CAPN13: variants seen among roughly 807,000 people sequenced by gnomAD.
CAPN13 encodes the protein calpain 13.
In CAPN13, 90 loss-of-function variants were observed where a neutral mutation model predicts 98.4. That is an observed-to-expected ratio of 0.92 (90% CI 0.77 to 1.09). The LOEUF (loss-of-function observed/expected upper bound fraction) is 1.09. Among genes scored for constraint, CAPN13 ranks in the 50% least tolerant of loss-of-function variants. CAPN13 has a pLI of 0.00. For missense variants in CAPN13, 887 were observed against 841.3 expected (o/e 1.05, Z -0.67); for synonymous variants, 330 against 305.5 (o/e 1.08, Z -0.84).
chr2:30,738,730 T>G (rs1432565561), intron 15 of CAPN13, among the ~76,000 whole-genome samples: 1 of 152,158 alleles, frequency 6.6e-6, no homozygotes, highest in Non-Finnish European at 1.5e-5. Flanking sequence ...CTGAAAGCAG[T>G]TTAGTCCTTG....
intron 15 of CAPN13, 143 bp from the exon 16 acceptor site, chr2:30,738,600 C>G: frequency 1.2e-6 from 1 of 837,876 alleles, no homozygotes; most frequent in Non-Finnish European, 1.9e-6. Context: ...TGAAGACTTA[C>G]CTGATGGCTG....
intron 2 of CAPN13, among the ~76,000 whole-genome samples, chr2:30,777,887 A>G (rs773088070): frequency 6.6e-6 from 1 of 152,234 alleles, no homozygotes; most frequent in Non-Finnish European, 1.5e-5. Flanking sequence ...GAGATAACAT[A>G]AATAAGGACT....
intron 1 of CAPN13, among the ~76,000 whole-genome samples, chr2:30,803,595 G>C (rs1486673526): frequency 6.6e-6 from 1 of 152,158 alleles, no homozygotes; most frequent in Non-Finnish European, 1.5e-5. Flanking sequence ...CCAGAGTCCT[G>C]GCTGTCCTCC....
intron 8 of CAPN13, among the ~76,000 whole-genome samples, chr2:30,756,080 C>T (rs745312185): frequency 6.6e-6 from 1 of 152,054 alleles, no homozygotes; most frequent in South Asian, 2.1e-4. Flanking sequence ...AGGTACAATA[C>T]GAGATCCAAC....
chr2:30,751,073 A>T, intron 11 of CAPN13, 30 bp downstream of exon 11: 1 of 1,609,836 alleles, frequency 6.2e-7, no homozygotes. Flanking sequence ...AAATTTCTAC[A>T]AGGGAAAGCC....
At chr2:30,780,918 C>T (rs1446814561) in intron 2 of CAPN13, among the ~76,000 whole-genome samples, 1 of 152,156 alleles carries the variant, frequency 6.6e-6, no homozygotes, top group Non-Finnish European at 1.5e-5. Context: ...CTGGGAAGGC[C>T]ACCTGTTACC....
In CAPN13 at chr2:30,759,207, C is replaced by T. The variant is rs148133121; in HGVS notation, c.775-1070G>A. ...CTTCCATCCCTCCCTTCCTTCTTTA[C>T]CCCCTGCCTTCCCTCTTCTCTCCCT... On this transcript the variant is annotated intron_variant, in intron 7 of 22. Transcript: ENST00000295055. Among the ~76,000 whole-genome samples the T allele has an allele frequency of 4.4e-3, 656 of 150,042 alleles. 7 individuals are homozygous for T. Among genetic ancestry groups the T allele is most frequent in the African/African-American group, 0.015 (608 of 40,868 alleles).
At chr2:30,759,214 C>T (rs1358192449) in intron 7 of CAPN13, among the ~76,000 whole-genome samples, 2 of 150,014 alleles carry the variant, frequency 1.3e-5, no homozygotes, top group African/African-American at 2.5e-5. Context: ...TTACCCCCTG[C>T]CTTCCCTCTT....
chr2:30,787,273 T>G lies in CAPN13; in HGVS notation c.53A>C (p.Asp18Ala). The G allele has an allele frequency of 6.2e-7, 1 of 1,613,430 alleles. No homozygotes were observed. Among genetic ancestry groups the G allele is most frequent in the Non-Finnish European group, 8.5e-7 (1 of 1,179,736 alleles). The stretch of plus-strand genomic sequence containing the variant: ...ATCCCGCAAGGTGGTAAAGTCCTGG[T>G]CTTTGAACTTGATGATGGAGGTCTC... The part of the protein sequence containing the change: ...SVETSIIKFK[D>A]QDFTTLRDHC... The change falls in exon 2 of 23, where the codon GAC becomes GCC. Residue 18 changes from aspartate (D) to alanine (A), a missense_variant. Asp to Ala is a moderately radical substitution (Grantham distance 126, BLOSUM62 -2). Coordinates refer to ENST00000295055, the MANE Select transcript of CAPN13 (RefSeq NM_144575.3).
At position 30,758,116 on chromosome 2, in the gene CAPN13, C is replaced by T. The variant is rs946029200; in HGVS notation, c.796G>A (p.Glu266Lys). The change falls in exon 8 of 23, where the codon GAA becomes AAA. Residue 266 changes from glutamate (E) to lysine (K), a missense_variant. Transcript: ENST00000295055. ...AEQIQYRRGW[E>K]EIISLWNPWG... Reference sequence around the variant, plus strand: ...GGGTTCCACAGGGAGATAATTTCTTCCCAGCCCCTTCGGTATTGAATCTGT... The same window carrying T: ...GGGTTCCACAGGGAGATAATTTCTTTCCAGCCCCTTCGGTATTGAATCTGT... 1.2e-6 allele frequency: 2 copies of T among 1,606,852 alleles called. No individual in the cohort carries two copies. The highest frequency in any genetic ancestry group is 3.3e-4 in the Middle Eastern group (2 of 6,056).
intron 9 of CAPN13, 115 bp from the exon 10 acceptor site, chr2:30,753,313 G>C: frequency 9.3e-7 from 1 of 1,071,344 alleles, no homozygotes; most frequent in Non-Finnish European, 1.4e-6. Context: ...GTCTGATCCT[G>C]GCTCATTCAC....
chr2:30,805,509 A>T (rs1243425125), intron 1 of CAPN13, among the ~76,000 whole-genome samples: 2 of 152,284 alleles, frequency 1.3e-5, no homozygotes, highest in Admixed American at 6.5e-5. Flanking sequence ...AATAATGACT[A>T]AAATATCTTC....
intron 2 of CAPN13, among the ~76,000 whole-genome samples, chr2:30,780,454 G>T (rs6729833): frequency 1.3e-5 from 2 of 152,176 alleles, no homozygotes; most frequent in Non-Finnish European, 1.5e-5. Flanking sequence ...CACTTACATG[G>T]GCCAAAGGGA....
intron 7 of CAPN13, among the ~76,000 whole-genome samples, chr2:30,760,785 G>C (rs569456961): frequency 6.6e-6 from 1 of 152,278 alleles, no homozygotes; most frequent in African/African-American, 2.4e-5. Context: ...GCCTTGGTCT[G>C]GGGGAGCAGG....
At position 30,770,395 on chromosome 2, in the gene CAPN13, G is replaced by C. The variant is rs1234898102; in HGVS notation, c.442C>G (p.Gln148Glu). 2 of 1,613,982 alleles carry C rather than the reference G, an allele frequency of 1.2e-6. No individual in the cohort carries two copies. Among genetic ancestry groups the C allele is most frequent in the Non-Finnish European group, 1.7e-6 (2 of 1,179,886 alleles). ...CGCACAAAGAGGCATTTATCTCCCT[G>C]GACAGGTAGGCGGTCATCAATCACC... Reference protein sequence around the residue: ...EVVIDDRLPVQGDKCLFVRPR... With the variant: ...EVVIDDRLPVEGDKCLFVRPR... The change falls in exon 5 of 23, where the codon CAG becomes GAG. Residue 148 changes from glutamine to glutamate, a missense_variant. Gln to Glu is a conservative substitution (Grantham distance 29, BLOSUM62 2). Transcript: ENST00000295055.
intron 2 of CAPN13, among the ~76,000 whole-genome samples, chr2:30,778,413 C>T (rs1673811529): frequency 6.6e-6 from 1 of 152,206 alleles, no homozygotes; most frequent in Non-Finnish European, 1.5e-5. Context: ...GGCCACAGGT[C>T]TGGCTTCTGC....
chr2:30,763,132 C>T lies in CAPN13; in HGVS notation c.724G>A (p.Glu242Lys), dbSNP rs371549970. ...GCATGGAGACTCACCAGCCCATTCT[C>T]CATCGCCTGTGCTGTATCTGTTGGC... ...SGPTDTAQAM[E>K]NGLVSLHAYT... is the part of the protein sequence containing the mutation. Residue 242 changes from glutamate (E) to lysine (K), a missense_variant, in exon 7 of 23, where the codon GAG (glutamate) becomes AAG (lysine). Coordinates refer to ENST00000295055, the MANE Select transcript of CAPN13 (RefSeq NM_144575.3). 1.9e-6 allele frequency: 3 copies of T among 1,611,556 alleles called. No individual in the cohort carries two copies. The highest frequency in any genetic ancestry group is 1.7e-5 in the Admixed American group (1 of 59,824).
chr2:30,755,037 C>T lies in CAPN13; in HGVS notation c.867-673G>A, dbSNP rs575478505. Among the ~76,000 whole-genome samples, 41 of 152,272 alleles carry T rather than the reference C, an allele frequency of 2.7e-4. 2 individuals are homozygous for T. The South Asian group carries it at 5.6e-3, about 21-fold the overall frequency. ...GAACTTTGTCCTCTGCCACCCTCTCCGATGTTACCAGTTTCTTGCTTTCTC... is the reference window on the plus strand; with the variant it reads ...GAACTTTGTCCTCTGCCACCCTCTCTGATGTTACCAGTTTCTTGCTTTCTC... On this transcript the variant is annotated intron_variant, in intron 8 of 22. Coordinates refer to ENST00000295055, the MANE Select transcript of CAPN13 (RefSeq NM_144575.3).
At chr2:30,761,860 TAGAGA>T (rs895490861) in intron 7 of CAPN13, among the ~76,000 whole-genome samples, 1 of 151,986 alleles carries the variant, frequency 6.6e-6, no homozygotes, top group Non-Finnish European at 1.5e-5. Flanking sequence ...GACAGATGGG[TAGAGA>T]GAGGAAGGAC....
Sources: allele counts gnomAD v4.1 joint callset (sites outside exome capture counted in the v4.1 genomes callset), GRCh38; gene constraint gnomAD v4.1.1; transcripts MANE v1.5; gene names NCBI Gene and HGNC (gene_info 2026-07-23, HGNC 2026-07-21).